TENM3: variants seen among roughly 807,000 people sequenced by gnomAD.
TENM3 encodes the protein teneurin transmembrane protein 3.
Under a neutral mutation model 255.1 loss-of-function variants are expected in TENM3, and 63 were observed. That is an observed-to-expected ratio of 0.25 (90% CI 0.20 to 0.30). TENM3 has a LOEUF of 0.30. Ranked by LOEUF, TENM3 falls within the 10% of genes least tolerant of loss-of-function variation. The probability of loss-of-function intolerance (pLI) is 1.00; values close to 1 mark genes in which losing one functional copy is unlikely to be tolerated. For missense variants in TENM3, 2,929 were observed against 3,461.1 expected (o/e 0.85, Z 3.86); for synonymous variants, 1,306 against 1,322.3 (o/e 0.99, Z 0.27).
the TENM3 span, among the ~76,000 whole-genome samples, chr4:182,082,071 T>C: frequency 1.5e-3 from 224 of 152,298 alleles, 1 homozygote; most frequent in African/African-American, 4.9e-3. Flanking sequence ...AATATTGTAA[T>C]TGCCTTAGTT....
At position 182,800,210 on chromosome 4, in the gene TENM3, C is replaced by A. The variant is rs760455233; in HGVS notation, c.7959C>A (p.Gly2653=). The A allele has an allele frequency of 6.3e-7, 1 of 1,590,446 alleles. No individual in the cohort carries two copies. The highest frequency in any genetic ancestry group is 2.3e-5 in the East Asian group (1 of 44,420). Reference sequence around the variant, plus strand: ...AGGGCGCGCGCCTCTGGACGGAGGGCGAGAAGCGGCAGCTGCTGAGCGCCG... The same window carrying A: ...AGGGCGCGCGCCTCTGGACGGAGGGAGAGAAGCGGCAGCTGCTGAGCGCCG... ...GEEGARLWTE[G]EKRQLLSAGK... is the part of the protein sequence containing the mutation. Residue 2653 remains glycine (G), a synonymous_variant, in exon 28 of 28, where the codon GGC becomes GGA. Coordinates refer to ENST00000511685, the MANE Select transcript of TENM3 (RefSeq NM_001080477.4).
At chr4:182,448,780 C>T (rs1204468118) in intron 3 of TENM3, among the ~76,000 whole-genome samples, 1 of 151,524 alleles carries the variant, frequency 6.6e-6, no homozygotes, top group Non-Finnish European at 1.5e-5. Context: ...TCACAGGCCC[C>T]GGCCCGCGTG....
the TENM3 span, among the ~76,000 whole-genome samples, chr4:181,989,131 T>C: frequency 1.8e-4 from 28 of 152,240 alleles, no homozygotes; most frequent in Non-Finnish European, 3.8e-4. Flanking sequence ...GATTCAAATA[T>C]GTACGTGGTC....
chr4:182,160,263 A>G (rs1036920800), intron 1 of TENM3, among the ~76,000 whole-genome samples: 1 of 151,920 alleles, frequency 6.6e-6, no homozygotes, highest in African/African-American at 2.4e-5. Flanking sequence ...CGGCCTCCCA[A>G]AGTGCTGGGA....
chr4:181,596,906 G>A, the TENM3 span, among the ~76,000 whole-genome samples: 2 of 152,038 alleles, frequency 1.3e-5, no homozygotes, highest in South Asian at 2.1e-4. Context: ...ACTTAGAGGG[G>A]AGCAACATAC....
At chr4:182,325,901 T>C (rs1763366777) in intron 2 of TENM3, among the ~76,000 whole-genome samples, 1 of 152,194 alleles carries the variant, frequency 6.6e-6, no homozygotes, top group South Asian at 2.1e-4. Context: ...AGACGATGCC[T>C]ACACAGGTTA....
At chr4:181,710,047 G>T in the TENM3 span, among the ~76,000 whole-genome samples, 1 of 152,234 alleles carries the variant, frequency 6.6e-6, no homozygotes, top group African/African-American at 2.4e-5. Context: ...GGGACAGTGG[G>T]ATATTTCACA....
At chr4:182,159,661 A>G (rs12332068) in intron 1 of TENM3, among the ~76,000 whole-genome samples, 50,262 of 151,978 alleles carry the variant, frequency 0.33, 8,691 homozygotes, top group Admixed American at 0.41. Flanking sequence ...CTGGCTTGCC[A>G]AGTTACCCAT....
At chr4:182,500,644 A>AG (rs1736221533) in intron 3 of TENM3, among the ~76,000 whole-genome samples, 1 of 145,528 alleles carries the variant, frequency 6.9e-6, no homozygotes, top group Non-Finnish European at 1.5e-5. Flanking sequence ...TAATTAGAAA[A>AG]CGTGTACACA....
chr4:182,133,533 A>G, the TENM3 span, among the ~76,000 whole-genome samples: 1 of 152,350 alleles, frequency 6.6e-6, no homozygotes, highest in African/African-American at 2.4e-5. Flanking sequence ...TAATTTTAGA[A>G]TCGTATATAA....
At chr4:181,979,081 G>C in the TENM3 span, among the ~76,000 whole-genome samples, 2 of 92,020 alleles carry the variant, frequency 2.2e-5, no homozygotes, top group Non-Finnish European at 4.1e-5. Context: ...CAAAATATAT[G>C]CTACATTAAG....
intron 3 of TENM3, among the ~76,000 whole-genome samples, chr4:182,410,696 G>T (rs887115491): frequency 6.6e-6 from 1 of 152,034 alleles, no homozygotes; most frequent in South Asian, 2.1e-4. Flanking sequence ...ACAAAGATGA[G>T]AAATCGTCTT....
chr4:181,664,587 G>T, the TENM3 span, among the ~76,000 whole-genome samples: 36 of 152,292 alleles, frequency 2.4e-4, no homozygotes, highest in African/African-American at 7.9e-4. Flanking sequence ...GTTATTAGCT[G>T]CCACTGTGCA....
the TENM3 span, among the ~76,000 whole-genome samples, chr4:182,021,527 C>T: frequency 1.3e-5 from 2 of 152,144 alleles, no homozygotes; most frequent in African/African-American, 2.4e-5. Flanking sequence ...TTATAAAAGA[C>T]CCTCTAGTAT....
chr4:182,686,758 G>C (rs1756608906), intron 11 of TENM3, among the ~76,000 whole-genome samples: 2 of 152,046 alleles, frequency 1.3e-5, no homozygotes, highest in South Asian at 4.1e-4. Context: ...AAGCTAGTGT[G>C]CTAAATGCTG....
At chr4:181,457,481 G>T in the TENM3 span, among the ~76,000 whole-genome samples, 10 of 151,674 alleles carry the variant, frequency 6.6e-5, no homozygotes, top group African/African-American at 2.4e-4. Flanking sequence ...TGTCACTTCA[G>T]GGGAAGTTCA....
chr4:182,737,212 T>A, intron 17 of TENM3, 137 bp downstream of exon 17: 5 of 936,340 alleles, frequency 5.3e-6, no homozygotes, highest in Non-Finnish European at 8.1e-6. Flanking sequence ...TATTATACCT[T>A]GGCTGGTTTA....
rs369642709 is a variant in TENM3 at position 182,499,207 on chromosome 4, A to T, written c.512-101717A>T. On this transcript the variant is annotated intron_variant, in intron 3 of 27. Coordinates refer to ENST00000511685, the MANE Select transcript of TENM3 (RefSeq NM_001080477.4). ...GAATGAGGTTATCTAATCCAGGGTG[A>T]TCTGAACAATGTCACTAAAATTGGA... Among the ~76,000 whole-genome samples the T allele has an allele frequency of 2.1e-4, 32 of 152,358 alleles. No homozygotes were observed. The East Asian group carries it at 2.5e-3, about 12-fold the overall frequency.
chr4:182,064,438 C>T, the TENM3 span, among the ~76,000 whole-genome samples: 21 of 152,062 alleles, frequency 1.4e-4, no homozygotes, highest in South Asian at 4.2e-4. Flanking sequence ...ATTAGCCGGG[C>T]GTGGTGGCGG....
Sources: allele counts gnomAD v4.1 joint callset (sites outside exome capture counted in the v4.1 genomes callset), GRCh38; gene constraint gnomAD v4.1.1; transcripts MANE v1.5; gene names NCBI Gene and HGNC (gene_info 2026-07-23, HGNC 2026-07-21).